The following KIAA0586 variants were observed in gnomAD, a reference collection of about 807,000 sequenced individuals.
The protein encoded by KIAA0586 is protein TALPID3.
KIAA0586 carries 144 observed loss-of-function variants against 169.8 expected under a neutral mutation model. The observed-to-expected ratio is 0.85, with a 90% CI of 0.74 to 0.97. The LOEUF (loss-of-function observed/expected upper bound fraction) is 0.97, where lower values mean the gene tolerates loss of function less well. Among genes scored for constraint, KIAA0586 ranks in the 50% least tolerant of loss-of-function variants. The pLI, the probability that KIAA0586 is intolerant of heterozygous loss-of-function variation, is 0.00. For missense variants in KIAA0586, 1,854 were observed against 1,823.0 expected, an observed-to-expected ratio of 1.02 and a Z score of -0.31; for synonymous variants, 625 against 612.4, an observed-to-expected ratio of 1.02 and a Z score of -0.30.
intron 29 of KIAA0586, chr14:58,521,559 T>C (rs1465019413): frequency 1.6e-5 from 14 of 868,348 alleles, no homozygotes; most frequent in South Asian, 5.2e-5. Context: ...AATGTCAGCA[T>C]GTATCAGGAA....
chr14:58,539,457 A>G (rs1230599352), intron 29 of KIAA0586, among the ~76,000 whole-genome samples: 1 of 152,194 alleles, frequency 6.6e-6, no homozygotes, highest in Non-Finnish European at 1.5e-5. Flanking sequence ...TGCCCTTAGT[A>G]TCCAGAGTGT....
intron 27 of KIAA0586, among the ~76,000 whole-genome samples, chr14:58,501,889 G>T (rs1018600504): frequency 2.6e-5 from 4 of 152,142 alleles, no homozygotes; most frequent in Admixed American, 6.5e-5. Context: ...TCACAAATCC[G>T]GTAGTGGCTT....
rs992971881 is a variant in KIAA0586, at chr14:58,457,935, T to C, written c.1539T>C (p.Asp513=). Residue 513 remains aspartate, a synonymous_variant, in exon 11 of 31, where the codon GAT becomes GAC. Transcript: ENST00000652326. ...ENLEAIIRAK[D]GAAMYSLINA... ...TGGAAGCTATTATTCGTGCAAAAGA[T>C]GGAGCTGCCATGTATTCGCTTATCA... 2 of 1,603,296 alleles carry C rather than the reference T, an allele frequency of 1.2e-6. No individual in the cohort carries two copies. Among genetic ancestry groups the C allele is most frequent in the Non-Finnish European group, 1.7e-6 (2 of 1,174,284 alleles).
At chr14:58,475,256 T>C (rs1036328355) in intron 19 of KIAA0586, among the ~76,000 whole-genome samples, 4 of 152,138 alleles carry the variant, frequency 2.6e-5, no homozygotes, top group Admixed American at 2.0e-4. Context: ...TGGCATTAGA[T>C]TTCATAGAAG....
chr14:58,501,670 G>A (rs1394505338), intron 27 of KIAA0586, among the ~76,000 whole-genome samples: 1 of 152,228 alleles, frequency 6.6e-6, no homozygotes, highest in Non-Finnish European at 1.5e-5. Flanking sequence ...ATGTAAGGCA[G>A]TATAGCAGAA....
chr14:58,555,752 G>T (rs1315383380), downstream of KIAA0586, among the ~76,000 whole-genome samples: 1 of 152,178 alleles, frequency 6.6e-6, no homozygotes, highest in African/African-American at 2.4e-5. Flanking sequence ...CCAGCACCCA[G>T]CTTTATGAAG....
chr14:58,508,510 A>T, intron 27 of KIAA0586, 45 bp from the exon 28 acceptor site: 2 of 1,435,842 alleles, frequency 1.4e-6, no homozygotes, highest in Non-Finnish European at 1.9e-6. Context: ...TTGAAGATAA[A>T]TTTAACACTT....
chr14:58,514,384 G>A (rs3783698), intron 29 of KIAA0586, among the ~76,000 whole-genome samples: 40,541 of 151,844 alleles, frequency 0.27, 5,470 homozygotes, highest in East Asian at 0.36. Context: ...CCTTATCACA[G>A]GGGAATTAAA....
At position 58,467,738 on chromosome 14, in the gene KIAA0586, A is replaced by T. The variant is rs369552863; in HGVS notation, c.2258A>T (p.Gln753Leu). ...HLIPMAILLG[Q>L]TQSNSDTMPP... is the part of the protein sequence containing the mutation. ...TTTTTTCTCCTAAACTTCTTAGGACAAACCCAAAGTAATAGTGATACCATG... is the reference window on the plus strand; with the variant it reads ...TTTTTTCTCCTAAACTTCTTAGGACTAACCCAAAGTAATAGTGATACCATG... The change falls in exon 16 of 31, where the codon CAA becomes CTA. Residue 753 changes from glutamine to leucine, a missense_variant. By Grantham distance (113) the Gln-to-Leu change is moderately radical. Transcript: ENST00000652326. 6.2e-7 allele frequency: 1 copy of T among 1,602,394 alleles called. No individual in the cohort carries two copies. The highest frequency in any genetic ancestry group is 2.2e-5 in the East Asian group (1 of 44,718).
intron 20 of KIAA0586, among the ~76,000 whole-genome samples, chr14:58,478,065 G>C (rs1272449848): frequency 6.6e-6 from 1 of 152,054 alleles, no homozygotes; most frequent in Non-Finnish European, 1.5e-5. Flanking sequence ...TAGGCTAGAG[G>C]CTGGACTGCA....
intron 29 of KIAA0586, among the ~76,000 whole-genome samples, chr14:58,531,426 G>A (rs933615598): frequency 1.3e-5 from 2 of 151,780 alleles, no homozygotes; most frequent in Non-Finnish European, 1.5e-5. Flanking sequence ...GGCCAACAAA[G>A]ATCTGAAAAA....
intron 27 of KIAA0586, among the ~76,000 whole-genome samples, chr14:58,503,409 A>G (rs996847396): frequency 3.9e-5 from 6 of 152,188 alleles, no homozygotes; most frequent in Non-Finnish European, 8.8e-5. Context: ...TGTGAAATTG[A>G]ATCTTAAGGG....
chr14:58,494,820 G>A (rs541611673), intron 26 of KIAA0586, among the ~76,000 whole-genome samples: 1 of 152,244 alleles, frequency 6.6e-6, no homozygotes, highest in East Asian at 1.9e-4. Context: ...ACCATAGCTA[G>A]GCCTTCATGT....
At chr14:58,521,357 C>T in intron 29 of KIAA0586, 8 of 985,638 alleles carry the variant, frequency 8.1e-6, no homozygotes, top group Middle Eastern at 2.2e-4. Flanking sequence ...AAATTGTGGG[C>T]TGCTCTGTTC....
chr14:58,553,591 T>C (rs908109105), downstream of KIAA0586, among the ~76,000 whole-genome samples: 21 of 151,972 alleles, frequency 1.4e-4, no homozygotes, highest in African/African-American at 4.8e-4. Context: ...AGCTGTCTGC[T>C]TGACCTGAAG....
chr14:58,560,687 C>A, the KIAA0586 span, among the ~76,000 whole-genome samples: 1,287 of 152,238 alleles, frequency 8.5e-3, 22 homozygotes, highest in African/African-American at 0.028. Context: ...TTATCTTTAG[C>A]AGTGTTTTAC....
intron 29 of KIAA0586, among the ~76,000 whole-genome samples, chr14:58,513,766 CT>C (rs2044559220): frequency 6.6e-6 from 1 of 151,918 alleles, no homozygotes; most frequent in Non-Finnish European, 1.5e-5. Flanking sequence ...ATGAACTGTC[CT>C]TCGCAGTCAA....
chr14:58,503,178 G>T (rs1465810253), intron 27 of KIAA0586, among the ~76,000 whole-genome samples: 2 of 152,108 alleles, frequency 1.3e-5, no homozygotes, highest in African/African-American at 4.8e-5. Flanking sequence ...AACCTGTATT[G>T]AATACCCACT....
intron 29 of KIAA0586, chr14:58,537,339 T>A: frequency 4.8e-6 from 1 of 207,156 alleles, no homozygotes; most frequent in South Asian, 1.6e-4. Context: ...TATGTCATAG[T>A]AACCATTTAT....
Sources: gnomAD v4.1 joint callset for allele counts (sites outside exome capture counted in the v4.1 genomes callset) on GRCh38, gnomAD v4.1.1 for gene constraint, MANE v1.5 for transcripts, NCBI Gene and HGNC (gene_info 2026-07-23, HGNC 2026-07-21) for gene names.